The following RERE variants were observed in gnomAD, a reference collection of about 807,000 sequenced individuals.
The protein encoded by RERE is arginine-glutamic acid dipeptide repeats, also known as arginine-glutamic acid dipeptide repeats protein.
Under a neutral mutation model 146.1 loss-of-function variants are expected in RERE, and 40 were observed. The observed-to-expected ratio is 0.27, with a 90% CI of 0.21 to 0.36. RERE has a LOEUF of 0.36. Among genes scored for constraint, RERE ranks in the 10% least tolerant of loss-of-function variants. The pLI, the probability that RERE is intolerant of heterozygous loss-of-function variation, is 1.00. For missense variants in RERE, 1,933 were observed against 2,138.7 expected, an observed-to-expected ratio of 0.90 and a Z score of 1.90; for synonymous variants, 1,003 against 866.0, an observed-to-expected ratio of 1.16 and a Z score of -2.78.
At chr1:8,568,308 T>G (rs1247437901) in intron 4 of RERE, among the ~76,000 whole-genome samples, 1 of 152,184 alleles carries the variant, frequency 6.6e-6, no homozygotes, top group African/African-American at 2.4e-5. Flanking sequence ...TACTATAGGT[T>G]CCTTTGGTTC....
At chr1:8,814,304 G>A (rs757274575) in intron 1 of RERE, among the ~76,000 whole-genome samples, 2 of 152,182 alleles carry the variant, frequency 1.3e-5, no homozygotes, top group Non-Finnish European at 2.9e-5. Flanking sequence ...TAGAACAACT[G>A]AGATGGGCCA....
At chr1:8,681,039 A>C (rs1370223280) in intron 1 of RERE, among the ~76,000 whole-genome samples, 1 of 152,218 alleles carries the variant, frequency 6.6e-6, no homozygotes, top group Non-Finnish European at 1.5e-5. Context: ...TGGGAGTCAG[A>C]AAGCATGTAA....
chr1:8,400,250 G>C (rs1355130602), intron 12 of RERE, among the ~76,000 whole-genome samples: 1 of 151,532 alleles, frequency 6.6e-6, no homozygotes, highest in Admixed American at 6.6e-5. Flanking sequence ...GTGTGTGTGT[G>C]TGTGTACATA....
intron 4 of RERE, among the ~76,000 whole-genome samples, chr1:8,558,561 A>C (rs1000709494): frequency 2.0e-5 from 3 of 152,320 alleles, no homozygotes; most frequent in African/African-American, 4.8e-5. Context: ...TCATGTTTAT[A>C]AAGGGGATGC....
intron 11 of RERE, among the ~76,000 whole-genome samples, chr1:8,437,071 T>C (rs952852789): frequency 6.6e-6 from 1 of 152,146 alleles, no homozygotes; most frequent in Non-Finnish European, 1.5e-5. Flanking sequence ...TAAAACCACA[T>C]AGGGCCGTTA....
At chr1:8,436,755 T>G (rs72866061) in intron 11 of RERE, among the ~76,000 whole-genome samples, 4,098 of 152,318 alleles carry the variant, frequency 0.027, 195 homozygotes, top group African/African-American at 0.095. Flanking sequence ...ATATTATCAT[T>G]TCAACATGTA....
At chr1:8,647,843 T>C (rs1647400783) in intron 2 of RERE, among the ~76,000 whole-genome samples, 2 of 152,198 alleles carry the variant, frequency 1.3e-5, no homozygotes, top group African/African-American at 4.8e-5. Flanking sequence ...AGTAGCTAAA[T>C]GTTAGGACCA....
At chr1:8,681,217 G>A (rs1638958354) in intron 1 of RERE, among the ~76,000 whole-genome samples, 2 of 152,254 alleles carry the variant, frequency 1.3e-5, no homozygotes, top group African/African-American at 2.4e-5. Context: ...CTTTCTCACT[G>A]GTGCAGGCAT....
At chr1:8,738,121 T>C (rs920384225) in intron 1 of RERE, among the ~76,000 whole-genome samples, 2 of 152,096 alleles carry the variant, frequency 1.3e-5, no homozygotes, top group Non-Finnish European at 2.9e-5. Flanking sequence ...GCTAACGCTG[T>C]TGCCTCTGTT....
chr1:8,561,323 T>G (rs945098203), intron 4 of RERE, among the ~76,000 whole-genome samples: 1 of 152,196 alleles, frequency 6.6e-6, no homozygotes, highest in Non-Finnish European at 1.5e-5. Flanking sequence ...AAACAACAAT[T>G]TGAAACAAAT....
At chr1:8,374,629 C>G (rs1642169424) in intron 12 of RERE, among the ~76,000 whole-genome samples, 1 of 152,192 alleles carries the variant, frequency 6.6e-6, no homozygotes, top group Non-Finnish European at 1.5e-5. Flanking sequence ...TTCCCAAAGC[C>G]CCGCTAGTAC....
intron 11 of RERE, among the ~76,000 whole-genome samples, chr1:8,426,073 CTA>C (rs1344023171): frequency 1.3e-5 from 2 of 152,166 alleles, no homozygotes; most frequent in Admixed American, 1.3e-4. Flanking sequence ...ACAGTGGTAA[CTA>C]TTTTCTGTTA....
chr1:8,454,867 A>G (rs1206034082), intron 11 of RERE, among the ~76,000 whole-genome samples: 1 of 151,988 alleles, frequency 6.6e-6, no homozygotes, highest in East Asian at 1.9e-4. Context: ...CAAGAAGGGG[A>G]GTGGGGAGAT....
chr1:8,448,399 G>A (rs984605007), intron 11 of RERE, among the ~76,000 whole-genome samples: 1 of 152,010 alleles, frequency 6.6e-6, no homozygotes, highest in Non-Finnish European at 1.5e-5. Context: ...ACTATTGGGT[G>A]CATTTTCCAC....
chr1:8,745,334 T>C lies in RERE; in HGVS notation c.-145+71826A>G, dbSNP rs180964860. 1.1e-3 allele frequency among the ~76,000 whole-genome samples: 163 copies of C among 152,322 alleles called. 1 individual carries two copies. The highest frequency in any genetic ancestry group is 1.8e-3 in the African/African-American group (73 of 41,572). Reference sequence around the variant, plus strand: ...CTGAGGCCTCTCCAGCTACATAGAATTGGGAGTCAATTAAACCTCTTTTCT... The same window carrying C: ...CTGAGGCCTCTCCAGCTACATAGAACTGGGAGTCAATTAAACCTCTTTTCT... On this transcript the variant is annotated intron_variant, in intron 1 of 22. Transcript: ENST00000400908.
At chr1:8,414,330 A>AG (rs1436301476) in intron 12 of RERE, among the ~76,000 whole-genome samples, 1 of 152,064 alleles carries the variant, frequency 6.6e-6, no homozygotes, top group Non-Finnish European at 1.5e-5. Flanking sequence ...GCGAATCATG[A>AG]GGTCAAGAGA....
intron 1 of RERE, among the ~76,000 whole-genome samples, chr1:8,733,380 G>A (rs1168862325): frequency 6.6e-6 from 1 of 152,158 alleles, no homozygotes; most frequent in Non-Finnish European, 1.5e-5. Flanking sequence ...GAGAACTGTG[G>A]TAACCAGCCC....
At chr1:8,455,027 T>C (rs1395084828) in intron 11 of RERE, among the ~76,000 whole-genome samples, 1 of 151,878 alleles carries the variant, frequency 6.6e-6, no homozygotes, top group Non-Finnish European at 1.5e-5. Flanking sequence ...GTTTTCCATA[T>C]AGGAAAGAGA....
intron 4 of RERE, among the ~76,000 whole-genome samples, chr1:8,597,085 T>C (rs910249229): frequency 1.6e-5 from 2 of 126,658 alleles, no homozygotes; most frequent in African/African-American, 5.8e-5. Context: ...TTTGTACTGA[T>C]GCTGATTTTT....
Sources: allele counts gnomAD v4.1 joint callset (sites outside exome capture counted in the v4.1 genomes callset), GRCh38; gene constraint gnomAD v4.1.1; transcripts MANE v1.5; gene names NCBI Gene and HGNC (gene_info 2026-07-23, HGNC 2026-07-21).